The following SLCO1A2 variants were observed in gnomAD, a reference collection of about 807,000 sequenced individuals.
SLCO1A2 encodes the protein solute carrier organic anion transporter family member 1A2.
In SLCO1A2, 67 loss-of-function variants were observed where a neutral mutation model predicts 69.0. The ratio of observed to expected loss-of-function variants is 0.97; its 90% CI spans 0.80 to 1.19. The LOEUF is 1.19. Ranked by LOEUF, SLCO1A2 falls within the 50% of genes most tolerant of loss-of-function variation. The probability of loss-of-function intolerance (pLI) is 0.00; values close to 1 mark genes in which losing one functional copy is unlikely to be tolerated. For missense variants in SLCO1A2, 787 were observed against 793.7 expected (o/e 0.99, Z 0.10); for synonymous variants, 260 against 265.9 (o/e 0.98, Z 0.22).
chr12:21,414,676 G>A (rs1381856751), intron 1 of SLCO1A2, among the ~76,000 whole-genome samples: 1 of 151,872 alleles, frequency 6.6e-6, no homozygotes, highest in East Asian at 1.9e-4. Flanking sequence ...ATCACATCAA[G>A]TTCATTGCAT....
At chr12:21,392,694 T>C (rs915543844) in intron 1 of SLCO1A2, among the ~76,000 whole-genome samples, 2 of 152,224 alleles carry the variant, frequency 1.3e-5, no homozygotes, top group Non-Finnish European at 2.9e-5. Flanking sequence ...TCATAAAACC[T>C]CTTCTTGTAC....
At chr12:21,307,855 A>G (rs541864021) in intron 4 of SLCO1A2, among the ~76,000 whole-genome samples, 41 of 152,306 alleles carry the variant, frequency 2.7e-4, no homozygotes, top group African/African-American at 9.9e-4. Context: ...TCTGTGCTAT[A>G]GGATATAATA....
chr12:21,288,561 C>T lies in SLCO1A2; in HGVS notation c.1610+3603G>A, dbSNP rs58686364. On this transcript the variant is annotated intron_variant, in intron 12 of 14. Coordinates refer to ENST00000683939, the MANE Select transcript of SLCO1A2 (RefSeq NM_001386879.1). The stretch of plus-strand genomic sequence containing the variant: ...GGGAAGTAGAGATAGTTAATAGGTA[C>T]GAAAAAATGGAAAGAATGAATTAAA... Among the ~76,000 whole-genome samples, 210 of 151,694 alleles carry T rather than the reference C, an allele frequency of 1.4e-3. 1 individual carries two copies. The highest frequency in any genetic ancestry group is 4.7e-3 in the African/African-American group (194 of 41,356).
chr12:21,344,358 A>G (rs1002356365), intron 2 of SLCO1A2, among the ~76,000 whole-genome samples: 1 of 152,092 alleles, frequency 6.6e-6, no homozygotes, highest in African/African-American at 2.4e-5. Flanking sequence ...GGCCTAAGTT[A>G]CAGTAGTTCA....
chr12:21,315,469 T>C (rs1415052583), intron 3 of SLCO1A2, among the ~76,000 whole-genome samples: 1 of 152,212 alleles, frequency 6.6e-6, no homozygotes, highest in Non-Finnish European at 1.5e-5. Flanking sequence ...CCATACATTT[T>C]TAATTCAGTA....
intron 2 of SLCO1A2, among the ~76,000 whole-genome samples, chr12:21,355,697 TA>T (rs1162714347): frequency 6.6e-6 from 1 of 152,104 alleles, no homozygotes; most frequent in Non-Finnish European, 1.5e-5. Context: ...CAGATTAAGT[TA>T]AAAAACAGAT....
At chr12:21,274,332 A>C (rs1238864263) in intron 14 of SLCO1A2, 137 bp downstream of exon 14, 7 of 536,598 alleles carry the variant, frequency 1.3e-5, no homozygotes, top group Non-Finnish European at 2.3e-5. Context: ...GAATGGAGAT[A>C]TAACATCAGT....
chr12:21,356,569 A>G (rs1938384954), intron 2 of SLCO1A2, among the ~76,000 whole-genome samples: 1 of 152,114 alleles, frequency 6.6e-6, no homozygotes, highest in African/African-American at 2.4e-5. Flanking sequence ...TAACATTCAG[A>G]GCTTTTGAAA....
intron 2 of SLCO1A2, among the ~76,000 whole-genome samples, chr12:21,366,097 T>C (rs1045684180): frequency 4.6e-5 from 7 of 152,254 alleles, no homozygotes; most frequent in African/African-American, 1.7e-4. Context: ...GACACATGCA[T>C]ACGTATGTTT....
chr12:21,347,465 G>A (rs927956565), intron 2 of SLCO1A2, among the ~76,000 whole-genome samples: 8 of 152,110 alleles, frequency 5.3e-5, no homozygotes, highest in Non-Finnish European at 1.0e-4. Flanking sequence ...AGCCAACATG[G>A]TGAAACCCCC....
intron 1 of SLCO1A2, among the ~76,000 whole-genome samples, chr12:21,410,444 T>C (rs1941890030): frequency 6.6e-6 from 1 of 152,206 alleles, no homozygotes; most frequent in Non-Finnish European, 1.5e-5. Context: ...TCATCCACAT[T>C]ATTATATAAT....
upstream of SLCO1A2, among the ~76,000 whole-genome samples, chr12:21,419,012 T>C (rs1942035411): frequency 6.6e-6 from 1 of 152,144 alleles, no homozygotes; most frequent in African/African-American, 2.4e-5. Flanking sequence ...TAGATATACT[T>C]TTCCCTATTT....
At chr12:21,352,308 T>C (rs978003332) in intron 2 of SLCO1A2, among the ~76,000 whole-genome samples, 10 of 152,186 alleles carry the variant, frequency 6.6e-5, no homozygotes, top group African/African-American at 2.4e-4. Flanking sequence ...GTTTGAGCCA[T>C]TAAAAGCCCT....
intron 12 of SLCO1A2, among the ~76,000 whole-genome samples, chr12:21,279,408 A>T (rs1026619858): frequency 6.6e-6 from 1 of 152,202 alleles, no homozygotes; most frequent in Non-Finnish European, 1.5e-5. Flanking sequence ...CAAGGAATTC[A>T]ATAAACCCCG....
At position 21,295,640 on chromosome 12, in the gene SLCO1A2, A is replaced by G. The variant is rs376308743; in HGVS notation, c.1228T>C (p.Cys410Arg). 3 of 1,603,372 alleles carry G rather than the reference A, an allele frequency of 1.9e-6. No homozygotes were observed. The highest frequency in any genetic ancestry group is 1.3e-5 in the African/African-American group (1 of 74,642). Residue 410 changes from cysteine to arginine, a missense_variant, in exon 10 of 15, where the codon TGT (cysteine) becomes CGT (arginine). Coordinates refer to ENST00000683939, the MANE Select transcript of SLCO1A2 (RefSeq NM_001386879.1). Reference sequence around the variant, plus strand: ...ATTCCAACAACTGAAGAATTTTCACAAGTCATGAGAAAAGATAAAAAATAG... The same window carrying G: ...ATTCCAACAACTGAAGAATTTTCACGAGTCATGAGAAAAGATAAAAAATAG... ...LLYFLSFLMT[C>R]ENSSVVGINT...
chr12:21,359,980 G>A (rs1045133787), intron 2 of SLCO1A2, among the ~76,000 whole-genome samples: 8 of 151,818 alleles, frequency 5.3e-5, no homozygotes, highest in Non-Finnish European at 1.0e-4. Context: ...ACATGGATAC[G>A]GAATGCAGAT....
chr12:21,350,619 G>A (rs1937862543), intron 2 of SLCO1A2, among the ~76,000 whole-genome samples: 2 of 151,804 alleles, frequency 1.3e-5, no homozygotes, highest in South Asian at 2.1e-4. Flanking sequence ...GGTGGATCAT[G>A]AGGTCAGAAG....
chr12:21,275,667 G>A (rs534430104), intron 12 of SLCO1A2, among the ~76,000 whole-genome samples: 19 of 152,194 alleles, frequency 1.2e-4, no homozygotes, highest in African/African-American at 3.6e-4. Context: ...TTGGTCAGGC[G>A]CAGTGGCTCA....
chr12:21,271,834 A>G (rs1044236270), intron 14 of SLCO1A2, among the ~76,000 whole-genome samples: 3 of 148,322 alleles, frequency 2.0e-5, no homozygotes, highest in Non-Finnish European at 4.5e-5. Context: ...TATATATTAT[A>G]TACATATTTA....
Sources: allele counts gnomAD v4.1 joint callset (sites outside exome capture counted in the v4.1 genomes callset), GRCh38; gene constraint gnomAD v4.1.1; transcripts MANE v1.5; gene names NCBI Gene and HGNC (gene_info 2026-07-23, HGNC 2026-07-21).